Variants in PTK2B observed in about 807,000 individuals in gnomAD.
PTK2B encodes protein-tyrosine kinase 2-beta.
A neutral mutation model predicts 142.9 loss-of-function variants in PTK2B; 71 were observed. The ratio of observed to expected loss-of-function variants is 0.50; its 90% CI spans 0.41 to 0.61. The LOEUF is 0.61. Ranked by LOEUF, PTK2B falls within the 20% of genes least tolerant of loss-of-function variation. PTK2B has a pLI of 0.00. For missense variants in PTK2B, 1,105 were observed against 1,320.4 expected, an observed-to-expected ratio of 0.84 and a Z score of 2.53; for synonymous variants, 519 against 503.4, an observed-to-expected ratio of 1.03 and a Z score of -0.42.
rs557036713 is a variant in PTK2B at position 27,336,106 on chromosome 8, T to C, written c.-38+10425T>C. Among the ~76,000 whole-genome samples, 3 of 152,256 alleles carry C rather than the reference T, an allele frequency of 2.0e-5. No individual in the cohort carries two copies. The South Asian group carries it at 6.2e-4, about 32-fold the overall frequency. ...TTGGAAAAGAACAATGTCAAAGTCG[T>C]AAGTCCAGCCTGGGGCATGGCAGGT... is the stretch of plus-strand genomic sequence containing the variant. On this transcript the variant is annotated intron_variant, in intron 1 of 30. Transcript: ENST00000346049.
intron 1 of PTK2B, among the ~76,000 whole-genome samples, chr8:27,392,228 G>T (rs1463542967): frequency 6.6e-6 from 1 of 152,042 alleles, no homozygotes; most frequent in African/African-American, 2.4e-5. Context: ...TCAGCATTCA[G>T]TGGTGATGTG....
At position 27,420,066 on chromosome 8, in the gene PTK2B, G is replaced by A. The variant is rs1245860124; in HGVS notation, c.376G>A (p.Glu126Lys). ...GTATGAGTGTCTGCACGTGGAAGCC[G>A]AGTGGAGGTAGGAGTGGATTCCTGG... ...DKYECLHVEA[E>K]WRYDLQIRYL... Residue 126 changes from glutamate to lysine, a missense_variant, in exon 3 of 31, where the codon GAG becomes AAG. Physicochemically the swap from Glu to Lys is moderately conservative, Grantham distance 56. Transcript: ENST00000346049. 1.2e-5 allele frequency: 20 copies of A among 1,614,114 alleles called. No individual in the cohort carries two copies. The highest frequency in any genetic ancestry group is 1.4e-5 in the Non-Finnish European group (16 of 1,179,980).
chr8:27,383,246 C>T (rs1468847154), intron 1 of PTK2B, among the ~76,000 whole-genome samples: 1 of 152,050 alleles, frequency 6.6e-6, no homozygotes, highest in African/African-American at 2.4e-5. Flanking sequence ...CCCACCCCCC[C>T]ACTCTCCCAA....
chr8:27,434,548 G>C lies in PTK2B; in HGVS notation c.1181G>C (p.Ser394Thr). ...GCCCGGCGGTCCCACCTCTCAGAGA[G>C]CTGCAGCATAGGTGAGCTGCCCGCT... is the stretch of plus-strand genomic sequence containing the variant. ...LEARRSHLSE[S>T]CSIESDIYAE... Residue 394 changes from serine to threonine, a missense_variant, in exon 13 of 31, where the codon AGC (serine) becomes ACC (threonine). Transcript: ENST00000346049. 6.2e-7 allele frequency: 1 copy of C among 1,605,914 alleles called. No homozygotes were observed.
chr8:27,417,491 G>A (rs1406117231), intron 2 of PTK2B, among the ~76,000 whole-genome samples: 7 of 152,134 alleles, frequency 4.6e-5, no homozygotes, highest in African/African-American at 1.7e-4. Context: ...TGGGGATCTG[G>A]AAAGTTCTAT....
intron 1 of PTK2B, among the ~76,000 whole-genome samples, chr8:27,341,886 G>A (rs563564995): frequency 6.6e-6 from 1 of 152,196 alleles, no homozygotes; most frequent in African/African-American, 2.4e-5. Context: ...CTGTTGCCCA[G>A]GCTGGTCTTG....
At position 27,383,852 on chromosome 8, in the gene PTK2B, A is replaced by ATTTT. The variant is rs749255419; in HGVS notation, c.-37-13686_-37-13683dup. The stretch of plus-strand genomic sequence containing the variant: ...AGGTGTGCACCACCACACCTGGCTA[A>ATTTT]TTTTTTTTTTTTTGAGACAGAGTTT... On this transcript the variant is annotated intron_variant, in intron 1 of 30. Coordinates refer to ENST00000346049, the MANE Select transcript of PTK2B (RefSeq NM_173176.3). 3.9e-4 allele frequency among the ~76,000 whole-genome samples: 45 copies of ATTTT among 116,604 alleles called. 4 individuals are homozygous for ATTTT. Among genetic ancestry groups the ATTTT allele is most frequent in the East Asian group, 7.2e-4 (3 of 4,156 alleles). 76.5% of individuals were successfully genotyped at this position (116,604 alleles called of 152,430 possible). A position where few individuals can be genotyped will look rare whatever the true frequency, so the allele number is the denominator to read the frequency against.
intron 2 of PTK2B, among the ~76,000 whole-genome samples, chr8:27,408,474 T>A (rs1193446744): frequency 6.6e-6 from 1 of 152,264 alleles, no homozygotes; most frequent in Admixed American, 6.5e-5. Flanking sequence ...CTGTCCATTG[T>A]TTGCTAAACC....
Position 27,457,352 on chromosome 8 carries a change from C to CTGCAA in PTK2B, c.2815-942_2815-941insTGCAA, listed in dbSNP as rs1308730988. Among the ~76,000 whole-genome samples the CTGCAA allele has an allele frequency of 2.0e-5, 3 of 152,332 alleles. No homozygotes were observed. In the East Asian group the frequency reaches 5.8e-4, roughly 29 times the overall value. Reference sequence around the variant, plus strand: ...AAGACTATCTTCAAATATTACTACTCATTGACAGTGCATCTACTCAAGAGC... The same window carrying CTGCAA: ...AAGACTATCTTCAAATATTACTACTCTGCAAATTGACAGTGCATCTACTCAAGAGC... On this transcript the variant is annotated intron_variant, in intron 30 of 30. Transcript: ENST00000346049.
chr8:27,365,401 C>T (rs1805962233), intron 1 of PTK2B, among the ~76,000 whole-genome samples: 1 of 152,198 alleles, frequency 6.6e-6, no homozygotes, highest in African/African-American at 2.4e-5. Flanking sequence ...ACCCATGACA[C>T]CTTAATCTTG....
upstream of PTK2B, among the ~76,000 whole-genome samples, chr8:27,323,781 T>C (rs1451264923): frequency 2.0e-5 from 3 of 152,342 alleles, no homozygotes; most frequent in South Asian, 2.1e-4. Flanking sequence ...TAAAAAGCTA[T>C]GGGTTTATGA....
chr8:27,429,577 T>G (rs1160917134), intron 5 of PTK2B, among the ~76,000 whole-genome samples: 1 of 152,248 alleles, frequency 6.6e-6, no homozygotes, highest in African/African-American at 2.4e-5. Context: ...CCTCCTCTGG[T>G]AAGACTATGA....
At chr8:27,432,201 T>A in intron 9 of PTK2B, 59 bp from the exon 10 acceptor site, 3 of 1,529,122 alleles carry the variant, frequency 2.0e-6, no homozygotes, top group Non-Finnish European at 2.7e-6. Context: ...TACTGACCAA[T>A]CTGCATGGCC....
intron 3 of PTK2B, among the ~76,000 whole-genome samples, chr8:27,316,780 T>C (rs1433413184): frequency 6.6e-6 from 1 of 152,228 alleles, no homozygotes; most frequent in Non-Finnish European, 1.5e-5. Flanking sequence ...GAAATAGTGT[T>C]TAATCCAAGT....
intron 1 of PTK2B, among the ~76,000 whole-genome samples, chr8:27,344,995 T>G (rs1804630064): frequency 6.6e-6 from 1 of 152,148 alleles, no homozygotes; most frequent in South Asian, 2.1e-4. Flanking sequence ...AAACCTCGTC[T>G]CTACTAAAAA....
chr8:27,447,153 C>T (rs1032237851), intron 24 of PTK2B, among the ~76,000 whole-genome samples: 2 of 152,166 alleles, frequency 1.3e-5, no homozygotes, highest in African/African-American at 4.8e-5. Context: ...TCCTGCTTCT[C>T]CACAAGGACC....
At chr8:27,354,716 C>T (rs994643671) in intron 1 of PTK2B, among the ~76,000 whole-genome samples, 37 of 152,302 alleles carry the variant, frequency 2.4e-4, no homozygotes, top group Admixed American at 3.9e-4. Context: ...AAATCATTTA[C>T]ATACCGCTGG....
Position 27,344,564 on chromosome 8 carries a change from A to G in PTK2B, c.-38+18883A>G, listed in dbSNP as rs146653388. The stretch of plus-strand genomic sequence containing the variant: ...TAAGTATTCAATCCATGTAGCTGTT[A>G]CTTGTATTGATGGCATATATTACTA... On this transcript the variant is annotated intron_variant, in intron 1 of 30. Coordinates refer to ENST00000346049, the MANE Select transcript of PTK2B (RefSeq NM_173176.3). Among the ~76,000 whole-genome samples, 186 of 152,316 alleles carry G rather than the reference A, an allele frequency of 1.2e-3. 2 individuals carry two copies. The highest frequency in any genetic ancestry group is 6.8e-3 in the Middle Eastern group (2 of 294).
chr8:27,318,433 C>T (rs1803138197), intron 3 of PTK2B, among the ~76,000 whole-genome samples: 4 of 152,096 alleles, frequency 2.6e-5, no homozygotes, highest in Non-Finnish European at 5.9e-5. Context: ...GGTTCAGAGC[C>T]AAGAAGACCA....
Sources: gnomAD v4.1 joint callset for allele counts (sites outside exome capture counted in the v4.1 genomes callset) on GRCh38, gnomAD v4.1.1 for gene constraint, MANE v1.5 for transcripts, NCBI Gene and HGNC (gene_info 2026-07-23, HGNC 2026-07-21) for gene names.